SLC25A12: variants seen among roughly 807,000 people sequenced by gnomAD.
SLC25A12 encodes electrogenic aspartate/glutamate antiporter SLC25A12, mitochondrial.
In SLC25A12, 32 loss-of-function variants were observed where a neutral mutation model predicts 83.3. The ratio of observed to expected loss-of-function variants is 0.38; its 90% CI spans 0.29 to 0.52. The LOEUF (loss-of-function observed/expected upper bound fraction) is 0.52, where lower values mean the gene tolerates loss of function less well. SLC25A12 is among the 20% of genes least tolerant of loss of function. The pLI is 0.84. For missense variants in SLC25A12, 611 were observed against 835.6 expected, an observed-to-expected ratio of 0.73 and a Z score of 3.31; for synonymous variants, 267 against 291.1, an observed-to-expected ratio of 0.92 and a Z score of 0.84.
At chr2:171,876,543 T>TGGG (rs773967179) in intron 2 of SLC25A12, among the ~76,000 whole-genome samples, 21 of 29,572 alleles carry the variant, frequency 7.1e-4, no homozygotes, top group East Asian at 4.6e-3. Flanking sequence ...TTTTTTTTTT[T>TGGG]GGGGGGGGGG....
At chr2:171,883,556 T>C (rs1055962042) in intron 2 of SLC25A12, among the ~76,000 whole-genome samples, 4 of 152,184 alleles carry the variant, frequency 2.6e-5, no homozygotes, top group South Asian at 2.1e-4. Flanking sequence ...GTAATCCCAG[T>C]ACTTTGGGAG....
At chr2:171,802,977 G>GTA (rs1359742040) in intron 13 of SLC25A12, among the ~76,000 whole-genome samples, 1 of 152,044 alleles carries the variant, frequency 6.6e-6, no homozygotes, top group East Asian at 1.9e-4. Context: ...GTGTGTGTGT[G>GTA]TGTGTGTACA....
At chr2:171,797,719 T>A (rs1683628258) in intron 13 of SLC25A12, among the ~76,000 whole-genome samples, 2 of 152,152 alleles carry the variant, frequency 1.3e-5, no homozygotes, top group Admixed American at 6.5e-5. Context: ...GCTTATTATA[T>A]ATGAACATCA....
intron 9 of SLC25A12, among the ~76,000 whole-genome samples, chr2:171,815,911 C>T (rs1419674871): frequency 7.3e-5 from 11 of 151,618 alleles, no homozygotes; most frequent in Admixed American, 2.6e-4. Context: ...TATTTGCCAA[C>T]GTCTTAATTA....
chr2:171,798,788 C>T (rs956932734), intron 13 of SLC25A12, among the ~76,000 whole-genome samples: 4 of 152,080 alleles, frequency 2.6e-5, no homozygotes, highest in East Asian at 1.9e-4. Context: ...ATGATATATG[C>T]GAGGGTGTTA....
intron 11 of SLC25A12, among the ~76,000 whole-genome samples, chr2:171,811,658 CAA>C (rs1223545796): frequency 3.5e-4 from 54 of 152,130 alleles, no homozygotes; most frequent in Non-Finnish European, 2.9e-5. Flanking sequence ...CTCCCTAATA[CAA>C]AAGTCTCTCA....
At chr2:171,832,245 T>C (rs146257949) in intron 8 of SLC25A12, among the ~76,000 whole-genome samples, 150 of 152,284 alleles carry the variant, frequency 9.9e-4, no homozygotes, top group Middle Eastern at 3.4e-3. Context: ...TTCCCCAGTA[T>C]GAAAATACCT....
intron 13 of SLC25A12, among the ~76,000 whole-genome samples, chr2:171,794,558 A>G (rs1183277286): frequency 2.6e-5 from 4 of 151,734 alleles, no homozygotes; most frequent in Non-Finnish European, 5.9e-5. Context: ...TAATGAGAGT[A>G]TATTTGCATC....
intron 3 of SLC25A12, among the ~76,000 whole-genome samples, chr2:171,858,902 T>C (rs916273753): frequency 1.3e-5 from 2 of 152,208 alleles, no homozygotes; most frequent in Admixed American, 6.5e-5. Flanking sequence ...AGAAAGTCTA[T>C]GGAATTTACT....
chr2:171,862,003 A>G (rs1338507671), intron 3 of SLC25A12, among the ~76,000 whole-genome samples: 2 of 152,224 alleles, frequency 1.3e-5, no homozygotes, highest in African/African-American at 4.8e-5. Flanking sequence ...AAAATTTTCT[A>G]CGAAGCCCCT....
chr2:171,810,570 G>A (rs542693890), intron 11 of SLC25A12, among the ~76,000 whole-genome samples: 5 of 152,280 alleles, frequency 3.3e-5, no homozygotes, highest in Non-Finnish European at 5.9e-5. Flanking sequence ...GGAGCCATGC[G>A]TCTTCTCTAT....
chr2:171,885,807 T>A (rs927867884), intron 2 of SLC25A12, among the ~76,000 whole-genome samples: 1 of 152,270 alleles, frequency 6.6e-6, no homozygotes, highest in Admixed American at 6.5e-5. Flanking sequence ...TGTCTCATAC[T>A]GGGTTTATTC....
At position 171,810,206 on chromosome 2, in the gene SLC25A12, A is replaced by G; in HGVS notation, c.1224+18T>C. The G allele has an allele frequency of 6.2e-7, 1 of 1,605,208 alleles. No individual in the cohort carries two copies. Among genetic ancestry groups the G allele is most frequent in the East Asian group, 2.2e-5 (1 of 44,832 alleles). ...TAATCTAAACAAATGACATAAATTC[A>G]GTTAGAGATAAACTTACAGTCAGTT... On this transcript the variant is annotated intron_variant, in intron 12 of 17. Transcript: ENST00000422440.
intron 13 of SLC25A12, among the ~76,000 whole-genome samples, chr2:171,795,153 C>T (rs1163303329): frequency 6.6e-6 from 1 of 152,192 alleles, no homozygotes. Flanking sequence ...CTGGATTCCC[C>T]AGGGCCTTAA....
chr2:171,835,559 G>A (rs534395837), intron 6 of SLC25A12, among the ~76,000 whole-genome samples: 123 of 152,352 alleles, frequency 8.1e-4, no homozygotes, highest in African/African-American at 2.6e-3. Flanking sequence ...TCTGCAGGAT[G>A]AAGACGTAAT....
chr2:171,849,008 G>A (rs1445768601), intron 4 of SLC25A12, among the ~76,000 whole-genome samples: 1 of 151,926 alleles, frequency 6.6e-6, no homozygotes, highest in Non-Finnish European at 1.5e-5. Flanking sequence ...TGGCCAACAT[G>A]GTAAAACCCT....
chr2:171,852,604 C>T (rs899965121), intron 4 of SLC25A12: 3 of 440,164 alleles, frequency 6.8e-6, no homozygotes, highest in South Asian at 3.2e-5. Context: ...TTTACCTAAA[C>T]ATGTGCCTAT....
At position 171,834,818 on chromosome 2, in the gene SLC25A12, A is replaced by G. The variant is rs1284471603; in HGVS notation, c.660T>C (p.Asn220=). Residue 220 remains asparagine (N), a synonymous_variant, in exon 7 of 18, where the codon AAT becomes AAC. Coordinates refer to ENST00000422440, the MANE Select transcript of SLC25A12 (RefSeq NM_003705.5). ...ISHQVSFSYF[N]AFNSLLNNME... ...TGTTATTCAGTAACGAGTTAAATGC[A>G]TTGAAGTAGGAGAAGCTAACCTGGT... The G allele has an allele frequency of 1.2e-6, 2 of 1,613,970 alleles. No individual in the cohort carries two copies. Among genetic ancestry groups the G allele is most frequent in the Admixed American group, 1.7e-5 (1 of 59,998 alleles).
At chr2:171,856,901 G>A (rs1685058839) in intron 3 of SLC25A12, among the ~76,000 whole-genome samples, 1 of 152,144 alleles carries the variant, frequency 6.6e-6, no homozygotes. Context: ...GATACACAGT[G>A]AGACACTTAC....
Sources: gnomAD v4.1 joint callset for allele counts (sites outside exome capture counted in the v4.1 genomes callset) on GRCh38, gnomAD v4.1.1 for gene constraint, MANE v1.5 for transcripts, NCBI Gene and HGNC (gene_info 2026-07-23, HGNC 2026-07-21) for gene names.